The following RAPH1 variants were observed in gnomAD, a reference collection of about 807,000 sequenced individuals.
RAPH1 encodes ras-associated and pleckstrin homology domains-containing protein 1.
In RAPH1, 18 loss-of-function variants were observed where a neutral mutation model predicts 88.1. The ratio of observed to expected loss-of-function variants is 0.20; its 90% CI spans 0.14 to 0.30. RAPH1 has a LOEUF of 0.30. RAPH1 is among the 10% of genes least tolerant of loss of function. The probability of loss-of-function intolerance (pLI) is 1.00; values close to 1 mark genes in which losing one functional copy is unlikely to be tolerated. For missense variants in RAPH1, 1,448 were observed against 1,543.2 expected (o/e 0.94, Z 1.03); for synonymous variants, 587 against 559.0 (o/e 1.05, Z -0.71).
chr2:203,501,958 T>A (rs1322872772), intron 1 of RAPH1, among the ~76,000 whole-genome samples: 1 of 152,120 alleles, frequency 6.6e-6, no homozygotes, highest in African/African-American at 2.4e-5. Context: ...CCTCCCTGAG[T>A]AGCTGGGACG....
At chr2:203,469,761 T>C (rs1473208128) in intron 4 of RAPH1, among the ~76,000 whole-genome samples, 1 of 152,204 alleles carries the variant, frequency 6.6e-6, no homozygotes, top group Non-Finnish European at 1.5e-5. Flanking sequence ...GCAATTAAAA[T>C]TGCAGCTTCC....
intron 1 of RAPH1, among the ~76,000 whole-genome samples, chr2:203,528,979 C>CTATATATATATATATA (rs71408946): frequency 6.5e-5 from 4 of 61,226 alleles, no homozygotes; most frequent in Admixed American, 2.7e-4. Flanking sequence ...GGTTGTTTTG[C>CTATATATATATATATA]TATATATATA....
chr2:203,499,119 A>T (rs546612761), intron 1 of RAPH1, among the ~76,000 whole-genome samples: 1 of 152,326 alleles, frequency 6.6e-6, no homozygotes, highest in East Asian at 1.9e-4. Flanking sequence ...TTCATCATTA[A>T]ATGACACATG....
At chr2:203,526,277 T>C (rs1009251187) in intron 1 of RAPH1, among the ~76,000 whole-genome samples, 4 of 152,286 alleles carry the variant, frequency 2.6e-5, no homozygotes, top group African/African-American at 9.6e-5. Context: ...TATATACATT[T>C]ATGGGGTACA....
chr2:203,434,566 CAA>C lies in RAPH1; in HGVS notation c.*4869_*4870del, dbSNP rs369267717. The C allele has an allele frequency of 0.15, 14,883 of 102,456 alleles. 1,445 individuals are homozygous for C. Among genetic ancestry groups the C allele is most frequent in the African/African-American group, 0.31 (10,341 of 33,028 alleles). 6.3% of individuals were successfully genotyped at this position (102,456 alleles called of 1,614,324 possible). The stretch of plus-strand genomic sequence containing the variant: ...CTAGAAGGGGTTATTTTACAAGTAG[CAA>C]AAAAAAAAAAAAAAGTAGGAGGTGG... On this transcript the variant is annotated 3_prime_UTR_variant, in exon 14 of 14. Transcript: ENST00000319170.
At chr2:203,517,148 A>T (rs370614880) in intron 1 of RAPH1, among the ~76,000 whole-genome samples, 1 of 152,138 alleles carries the variant, frequency 6.6e-6, no homozygotes, top group African/African-American at 2.4e-5. Context: ...CAAATAGATG[A>T]AAAGTAAACC....
intron 4 of RAPH1, among the ~76,000 whole-genome samples, chr2:203,475,187 C>T (rs2098536341): frequency 6.6e-6 from 1 of 152,184 alleles, no homozygotes; most frequent in South Asian, 2.1e-4. Context: ...GCGGGAGGAT[C>T]ACAAGGTCAG....
intron 4 of RAPH1, chr2:203,476,935 ATTTG>A (rs1687482295): frequency 6.7e-6 from 4 of 601,200 alleles, no homozygotes; most frequent in Non-Finnish European, 1.2e-5. Flanking sequence ...AAAGTTGCTT[ATTTG>A]TTTTTGCTAA....
intron 1 of RAPH1, among the ~76,000 whole-genome samples, chr2:203,534,491 G>GCCCC (rs1690523396): frequency 3.5e-5 from 3 of 86,084 alleles, no homozygotes; most frequent in Non-Finnish European, 4.6e-5. Context: ...CTATCACACT[G>GCCCC]CCCCCTCCCT....
At chr2:203,463,804 G>A (rs563324999) in intron 4 of RAPH1, among the ~76,000 whole-genome samples, 2 of 152,178 alleles carry the variant, frequency 1.3e-5, no homozygotes, top group African/African-American at 4.8e-5. Context: ...ACATGTTTAC[G>A]TTTTAAGATA....
At chr2:203,488,374 A>G (rs1688068272) in intron 4 of RAPH1, among the ~76,000 whole-genome samples, 1 of 151,806 alleles carries the variant, frequency 6.6e-6, no homozygotes, top group Admixed American at 6.6e-5. Context: ...GCGGATCACA[A>G]GGTCAGGAGT....
chr2:203,496,896 C>G (rs1204832583), intron 1 of RAPH1, among the ~76,000 whole-genome samples: 1 of 152,052 alleles, frequency 6.6e-6, no homozygotes, highest in Admixed American at 6.5e-5. Context: ...TGGAATATAG[C>G]CTGTCAGCTG....
chr2:203,535,072 C>T (rs1690556773), intron 1 of RAPH1, 39 bp downstream of exon 1: 1 of 151,734 alleles, frequency 6.6e-6, no homozygotes, highest in Non-Finnish European at 1.5e-5. Context: ...CCAGCCGGCT[C>T]CCTACCCCCT....
At chr2:203,454,353 C>T (rs1029648808) in intron 10 of RAPH1, 77 bp downstream of exon 10, 5 of 940,712 alleles carry the variant, frequency 5.3e-6, no homozygotes, top group Admixed American at 2.4e-5. Flanking sequence ...GATGGAATCT[C>T]AACAGTTCTA....
rs753677115 is a variant in RAPH1 at position 203,488,586 on chromosome 2, A to AT, written c.732+997dup. Among the ~76,000 whole-genome samples the AT allele has an allele frequency of 7.1e-3, 555 of 77,744 alleles. 5 individuals are homozygous for AT. Among genetic ancestry groups the AT allele is most frequent in the Non-Finnish European group, 0.01 (437 of 42,052 alleles). The allele number at this position is 77,744 out of a possible 152,430, so 51.0% of individuals were successfully genotyped here. On this transcript the variant is annotated intron_variant, in intron 4 of 13. Coordinates refer to ENST00000319170, the MANE Select transcript of RAPH1 (RefSeq NM_213589.3). ...TGGGCGACAGAATGAGACTCCGTCT[A>AT]TTAAAAAAAAAAAAAAAAAAAAAAA...
chr2:203,441,499 T>G, intron 13 of RAPH1, 86 bp from the exon 14 acceptor site: 1 of 1,431,708 alleles, frequency 7.0e-7, no homozygotes, highest in South Asian at 1.6e-5. Flanking sequence ...TGTGTAAAAC[T>G]AAAAAGCAGG....
Position 203,489,718 on chromosome 2 carries a change from C to G in RAPH1, c.598G>C (p.Glu200Gln). Residue 200 changes from glutamate (E) to glutamine (Q), a missense_variant, in exon 4 of 14, where the codon GAA (glutamate) becomes CAA (glutamine). Glu to Gln is a conservative substitution (Grantham distance 29). Transcript: ENST00000319170. ...GAGGAATTACTAATAGAGTGTACTT[C>G]AGCATCACTCACTGTGCCTGCTGAC... ...TASAGTVSDA[E>Q]VHSISNSSHS... The G allele has an allele frequency of 6.2e-7, 1 of 1,614,182 alleles. No homozygotes were observed. The highest frequency in any genetic ancestry group is 1.1e-5 in the South Asian group (1 of 91,084).
Position 203,440,158 on chromosome 2 carries a change from C to T in RAPH1, c.3032G>A (p.Gly1011Glu). Residue 1011 changes from glycine to glutamate, a missense_variant, in exon 14 of 14, where the codon GGG becomes GAG. This residue lies in a region of RAPH1 where 935 missense variants were observed against 890.1 expected (regional missense o/e 1.05). Coordinates refer to ENST00000319170, the MANE Select transcript of RAPH1 (RefSeq NM_213589.3). The stretch of plus-strand genomic sequence containing the variant: ...TGGTAGGGTCTCCTTGCTGGGAGAC[C>T]CTGATTCTGCTGGCGGTGTAAACTT... ...VSKFTPPAES[G>E]SPSKETLPPP... 1 of 1,613,508 alleles carries T rather than the reference C, an allele frequency of 6.2e-7. No homozygotes were observed. The highest frequency in any genetic ancestry group is 1.1e-5 in the South Asian group (1 of 91,064).
At chr2:203,521,285 C>A (rs1388989935) in intron 1 of RAPH1, among the ~76,000 whole-genome samples, 1 of 152,082 alleles carries the variant, frequency 6.6e-6, no homozygotes, top group Admixed American at 6.6e-5. Flanking sequence ...AACTCCTGAC[C>A]TCAGGTGATC....
Sources: gnomAD v4.1 joint callset for allele counts (sites outside exome capture counted in the v4.1 genomes callset) on GRCh38, gnomAD v4.1.1 for gene constraint, gnomAD v4.1.1 regional missense constraint, MANE v1.5 for transcripts, NCBI Gene and HGNC (gene_info 2026-07-23, HGNC 2026-07-21) for gene names.